ABCC1: variants seen among roughly 807,000 people sequenced by gnomAD.
The protein encoded by ABCC1 is multidrug resistance-associated protein 1.
In ABCC1, 83 loss-of-function variants were observed where a neutral mutation model predicts 172.9. The observed-to-expected ratio is 0.48, with a 90% confidence interval of 0.40 to 0.58. ABCC1 has a LOEUF of 0.58. Ranked by LOEUF, ABCC1 falls within the 20% of genes least tolerant of loss-of-function variation. The pLI is 0.00. For synonymous variants in ABCC1, 937 were observed against 825.2 expected, an observed-to-expected ratio of 1.14 and a Z score of -2.32; for missense variants, 1,817 against 2,002.7, an observed-to-expected ratio of 0.91 and a Z score of 1.77.
At position 16,141,340 on chromosome 16, in the gene ABCC1, G is replaced by A. The variant is rs2046120075; in HGVS notation, c.*59G>A. 1 of 1,508,786 alleles carries A rather than the reference G, an allele frequency of 6.6e-7. No homozygotes were observed. The highest frequency in any genetic ancestry group is 1.4e-5 in the African/African-American group (1 of 72,720). The allele number at this position is 1,508,786 out of a possible 1,614,324, so 93.5% of individuals were successfully genotyped here. ...GGGCCTATATGCCAGCGCCCAGGGA[G>A]GAGTCAGTACCCCTGGTAAACCAAG... On this transcript the variant is annotated 3_prime_UTR_variant, in exon 31 of 31. Coordinates refer to ENST00000399410, the MANE Select transcript of ABCC1 (RefSeq NM_004996.4).
At chr16:16,103,483 G>GGCAC (rs1422060541) in intron 20 of ABCC1, among the ~76,000 whole-genome samples, 3 of 152,146 alleles carry the variant, frequency 2.0e-5, no homozygotes, top group Non-Finnish European at 4.4e-5. Context: ...GGGAGGCTGA[G>GGCAC]GCACGAGAAT....
chr16:16,024,726 C>T (rs2048312768), intron 5 of ABCC1, among the ~76,000 whole-genome samples: 2 of 152,226 alleles, frequency 1.3e-5, no homozygotes, highest in South Asian at 4.1e-4. Flanking sequence ...ATGACACACT[C>T]AGGTTGGACA....
chr16:16,081,980 T>C (rs539123387), intron 16 of ABCC1, among the ~76,000 whole-genome samples: 1 of 152,254 alleles, frequency 6.6e-6, no homozygotes, highest in South Asian at 2.1e-4. Context: ...ATCTTGACAC[T>C]GTATTCCAGC....
At chr16:15,961,602 T>C (rs1388566371) in intron 1 of ABCC1, among the ~76,000 whole-genome samples, 1 of 152,206 alleles carries the variant, frequency 6.6e-6, no homozygotes, top group Non-Finnish European at 1.5e-5. Context: ...TGCAAATGTA[T>C]GTGCAAGAAC....
At chr16:16,106,696 A>G (rs767212371) in intron 20 of ABCC1, 42 bp from the exon 21 acceptor site, 5 of 1,612,286 alleles carry the variant, frequency 3.1e-6, no homozygotes, top group East Asian at 2.2e-5. Flanking sequence ...ACCCTGCCCA[A>G]GGCATCTGTA....
At chr16:16,012,097 C>G (rs1386995217) in intron 3 of ABCC1, among the ~76,000 whole-genome samples, 1 of 152,166 alleles carries the variant, frequency 6.6e-6, no homozygotes, top group Non-Finnish European at 1.5e-5. Flanking sequence ...CCACCATGCC[C>G]TGCCCAGACC....
Position 16,072,484 on chromosome 16 carries a change from CT to C in ABCC1, c.1912+768del, listed in dbSNP as rs5815852. 3.9e-4 allele frequency among the ~76,000 whole-genome samples: 55 copies of C among 142,400 alleles called. 1 individual carries two copies. The Middle Eastern group carries it at 0.015, about 39-fold the overall frequency. 93.4% of individuals were successfully genotyped at this position (142,400 alleles called of 152,430 possible). ...ATAGGCATGAGCCAGTTCTCCTGGC[CT>C]TTTTTTTTTTTTCAATATTAAATTG... On this transcript the variant is annotated intron_variant, in intron 14 of 30. Coordinates refer to ENST00000399410, the MANE Select transcript of ABCC1 (RefSeq NM_004996.4).
At chr16:16,045,548 C>T (rs992736804) in intron 8 of ABCC1, among the ~76,000 whole-genome samples, 3 of 152,098 alleles carry the variant, frequency 2.0e-5, no homozygotes, top group African/African-American at 7.2e-5. Context: ...TCCTCCCTAC[C>T]TCTTTACCTC....
rs78236422 is a variant in ABCC1, at chr16:16,101,824, G to A, written c.2645-803G>A. On this transcript the variant is annotated intron_variant, in intron 19 of 30. Coordinates refer to ENST00000399410, the MANE Select transcript of ABCC1 (RefSeq NM_004996.4). ...CTGTCATTGTCATTGTTGATGTTCC[G>A]GTGATTATTGTTGATGCTGGGTGGA... is the stretch of plus-strand genomic sequence containing the variant. Among the ~76,000 whole-genome samples, 17 of 152,274 alleles carry A rather than the reference G, an allele frequency of 1.1e-4. No homozygotes were observed. The East Asian group carries it at 1.2e-3, about 10-fold the overall frequency.
chr16:15,970,331 C>G (rs769404403), intron 1 of ABCC1, among the ~76,000 whole-genome samples: 1 of 152,174 alleles, frequency 6.6e-6, no homozygotes, highest in Non-Finnish European at 1.5e-5. Context: ...CTGGAGGTTG[C>G]CTACGTCTCT....
intron 22 of ABCC1, among the ~76,000 whole-genome samples, chr16:16,113,893 C>T (rs1468273528): frequency 1.3e-5 from 2 of 152,074 alleles, no homozygotes; most frequent in East Asian, 1.9e-4. Context: ...AGTCTAGGTC[C>T]CTTGCATGCA....
At chr16:16,097,560 G>A (rs1596493624) in intron 19 of ABCC1, among the ~76,000 whole-genome samples, 2 of 152,200 alleles carry the variant, frequency 1.3e-5, no homozygotes, top group African/African-American at 4.8e-5. Context: ...TGGGTAGGCC[G>A]GAGGGCTTTG....
At chr16:16,115,777 T>G (rs949699849) in intron 23 of ABCC1, among the ~76,000 whole-genome samples, 4 of 152,296 alleles carry the variant, frequency 2.6e-5, no homozygotes, top group African/African-American at 9.6e-5. Flanking sequence ...TAATAGAAAT[T>G]TAGAGGTAGG....
intron 1 of ABCC1, among the ~76,000 whole-genome samples, chr16:15,958,959 C>T (rs1237827934): frequency 6.6e-6 from 1 of 152,186 alleles, no homozygotes; most frequent in Non-Finnish European, 1.5e-5. Context: ...CTGGTAGCAC[C>T]TCCTCTTGTT....
At chr16:16,008,040 G>C (rs777884691) in intron 2 of ABCC1, 48 bp downstream of exon 2, 12 of 1,469,530 alleles carry the variant, frequency 8.2e-6, no homozygotes, top group Non-Finnish European at 4.7e-6. Context: ...GGTGCACCTG[G>C]ACGGGGAGTG....
In ABCC1 at chr16:16,001,818, A is replaced by G. The variant is rs141186840; in HGVS notation, c.49-5998A>G. Reference sequence around the variant, plus strand: ...GCTGGAGTATGAATTGATGTTCCCTATTTGGAGGGCAGTGTCTGTCTAAAT... The same window carrying G: ...GCTGGAGTATGAATTGATGTTCCCTGTTTGGAGGGCAGTGTCTGTCTAAAT... On this transcript the variant is annotated intron_variant, in intron 1 of 30. Transcript: ENST00000399410. Among the ~76,000 whole-genome samples the G allele has an allele frequency of 6.8e-3, 1,032 of 152,186 alleles. 5 individuals are homozygous for G. Among genetic ancestry groups the G allele is most frequent in the Middle Eastern group, 0.034 (10 of 294 alleles).
chr16:16,046,037 A>C (rs1310987804), intron 9 of ABCC1, 24 bp downstream of exon 9: 2 of 1,611,328 alleles, frequency 1.2e-6, no homozygotes, highest in Non-Finnish European at 1.7e-6. Flanking sequence ...TGCCATTGGC[A>C]TGTGGCCCGA....
chr16:16,126,253 A>G (rs938224891), intron 26 of ABCC1, among the ~76,000 whole-genome samples: 3 of 152,206 alleles, frequency 2.0e-5, no homozygotes, highest in Non-Finnish European at 4.4e-5. Flanking sequence ...GTCTGGGGCT[A>G]GCAGGTCTTT....
At position 16,086,972 on chromosome 16, in the gene ABCC1, A is replaced by G. The variant is rs1188291845; in HGVS notation, c.2441A>G (p.Lys814Arg). The change falls in exon 18 of 31, where the codon AAG (lysine) becomes AGG (arginine). Residue 814 changes from lysine (K) to arginine (R), a missense_variant. Physicochemically the swap from Lys to Arg is conservative, Grantham distance 26. Around this residue, in one of 3 missense-constraint regions of ABCC1, gnomAD observed 1,412 missense variants for 1,600.3 expected, o/e 0.88. Transcript: ENST00000399410. ...ATCTTTGAAAATGTGATTGGCCCCAAGGGGATGCTGAAGAACAAGGTGCCT... is the reference window on the plus strand; with the variant it reads ...ATCTTTGAAAATGTGATTGGCCCCAGGGGGATGCTGAAGAACAAGGTGCCT... ...KHIFENVIGPKGMLKNKTRIL... is the reference protein window; with the variant it reads ...KHIFENVIGPRGMLKNKTRIL... 1.4e-5 allele frequency: 23 copies of G among 1,614,054 alleles called. No homozygotes were observed. Among genetic ancestry groups the G allele is most frequent in the Non-Finnish European group, 1.9e-5 (22 of 1,180,042 alleles).
Sources: gnomAD v4.1 joint callset for allele counts (sites outside exome capture counted in the v4.1 genomes callset) on GRCh38, gnomAD v4.1.1 for gene constraint, gnomAD v4.1.1 regional missense constraint, MANE v1.5 for transcripts, NCBI Gene and HGNC (gene_info 2026-07-23, HGNC 2026-07-21) for gene names.